Variants in SEMA6D observed in about 807,000 individuals in gnomAD.
SEMA6D encodes the protein semaphorin-6D.
In SEMA6D, 35 loss-of-function variants were observed where a neutral mutation model predicts 106.6. That is an observed-to-expected ratio of 0.33 (90% CI 0.25 to 0.44). The LOEUF (loss-of-function observed/expected upper bound fraction) is 0.44, where lower values mean the gene tolerates loss of function less well. Among genes scored for constraint, SEMA6D ranks in the 20% least tolerant of loss-of-function variants. The probability of loss-of-function intolerance (pLI) is 1.00; values close to 1 mark genes in which losing one functional copy is unlikely to be tolerated. For missense variants in SEMA6D, 1,185 were observed against 1,345.9 expected (o/e 0.88, Z 1.87); for synonymous variants, 499 against 487.7 (o/e 1.02, Z -0.31).
chr15:47,428,643 G>A (rs994137089), intron 2 of SEMA6D, among the ~76,000 whole-genome samples: 4 of 152,012 alleles, frequency 2.6e-5, no homozygotes, highest in African/African-American at 9.7e-5. Flanking sequence ...CCATGATGGT[G>A]CCGGCCTGGA....
intron 4 of SEMA6D, among the ~76,000 whole-genome samples, chr15:47,629,472 T>G (rs1342981482): frequency 6.6e-6 from 1 of 151,978 alleles, no homozygotes; most frequent in Non-Finnish European, 1.5e-5. Context: ...TTTACATATT[T>G]ATCAGTACAT....
At chr15:47,277,691 C>G (rs1028529720) in intron 1 of SEMA6D, among the ~76,000 whole-genome samples, 10 of 150,812 alleles carry the variant, frequency 6.6e-5, no homozygotes, top group African/African-American at 2.4e-4. Flanking sequence ...ATACATGTGC[C>G]ATGCTGGTGC....
At chr15:47,647,758 A>C (rs1299099772) in intron 4 of SEMA6D, among the ~76,000 whole-genome samples, 1 of 151,866 alleles carries the variant, frequency 6.6e-6, no homozygotes, top group Non-Finnish European at 1.5e-5. Context: ...GCCTTATTGG[A>C]AGCAAATTAT....
At chr15:47,334,210 C>T (rs938995187) in intron 1 of SEMA6D, among the ~76,000 whole-genome samples, 11 of 152,106 alleles carry the variant, frequency 7.2e-5, no homozygotes, top group Admixed American at 3.3e-4. Context: ...GGAAACTCCA[C>T]GCCCCTTCCC....
chr15:47,761,520 A>G (rs747366574), intron 6 of SEMA6D, 89 bp downstream of exon 6: 11 of 1,308,358 alleles, frequency 8.4e-6, no homozygotes, highest in Non-Finnish European at 1.1e-5. Flanking sequence ...TCTGCTTTCC[A>G]GTAATTTGTT....
In SEMA6D at chr15:47,454,007, A is replaced by C. The variant is rs571056184; in HGVS notation, c.-158-16467A>C. The stretch of plus-strand genomic sequence containing the variant: ...TGCTTCATGAGACTAAAAAATGATC[A>C]AGCAAAAGCATACTGCTATCCAGCT... On this transcript the variant is annotated intron_variant, in intron 2 of 19. Coordinates refer to the SEMA6D transcript ENST00000558014. Among the ~76,000 whole-genome samples, 5 of 152,052 alleles carry C rather than the reference A, an allele frequency of 3.3e-5. No individual in the cohort carries two copies. The South Asian group carries it at 1.0e-3, about 32-fold the overall frequency.
intron 3 of SEMA6D, among the ~76,000 whole-genome samples, chr15:47,538,130 G>A (rs1471633617): frequency 6.6e-6 from 1 of 152,130 alleles, no homozygotes; most frequent in Non-Finnish European, 1.5e-5. Context: ...GAGAAGAAAA[G>A]GACAGTGCGA....
chr15:47,338,523 A>T (rs938880550), intron 1 of SEMA6D, among the ~76,000 whole-genome samples: 7 of 152,186 alleles, frequency 4.6e-5, no homozygotes, highest in African/African-American at 1.7e-4. Context: ...CAAAAATTTT[A>T]AAAATTAAAT....
At chr15:47,413,873 C>A (rs1366557252) in intron 2 of SEMA6D, among the ~76,000 whole-genome samples, 1 of 152,160 alleles carries the variant, frequency 6.6e-6, no homozygotes, top group Non-Finnish European at 1.5e-5. Context: ...TGACTTTGAA[C>A]AGCCTGATTT....
chr15:47,329,292 T>C (rs946887137), intron 1 of SEMA6D, among the ~76,000 whole-genome samples: 1 of 152,160 alleles, frequency 6.6e-6, no homozygotes, highest in Non-Finnish European at 1.5e-5. Context: ...TTTAAACAAA[T>C]GGAGAAACCA....
At position 47,514,071 on chromosome 15, in the gene SEMA6D, G is replaced by A. The variant is rs369341262; in HGVS notation, c.-87+43526G>A. Among the ~76,000 whole-genome samples, 19 of 152,176 alleles carry A rather than the reference G, an allele frequency of 1.2e-4. No individual in the cohort carries two copies. In the East Asian group the frequency reaches 1.9e-3, roughly 15 times the overall value. On this transcript the variant is annotated intron_variant, in intron 3 of 19. Transcript: ENST00000558014. ...ATTGGTTCACAAGTCATTGCTAAAC[G>A]GACAGTGTGGTCTCATTACTTGCAT...
At chr15:47,319,729 G>T (rs2036851065) in intron 1 of SEMA6D, among the ~76,000 whole-genome samples, 1 of 151,968 alleles carries the variant, frequency 6.6e-6, no homozygotes, top group Non-Finnish European at 1.5e-5. Context: ...ATTTCAAAAT[G>T]GTTCCCTTTC....
chr15:47,349,671 G>T (rs1386957376), intron 1 of SEMA6D, among the ~76,000 whole-genome samples: 1 of 152,152 alleles, frequency 6.6e-6, no homozygotes, highest in Non-Finnish European at 1.5e-5. Context: ...ATGCGGAAAA[G>T]AAAGTGGAAT....
chr15:47,571,142 CTT>C (rs1178332660), intron 3 of SEMA6D, among the ~76,000 whole-genome samples: 10 of 151,270 alleles, frequency 6.6e-5, no homozygotes, highest in Admixed American at 2.0e-4. Context: ...TTCACTGTGA[CTT>C]TTTTTTTAAT....
intron 1 of SEMA6D, among the ~76,000 whole-genome samples, chr15:47,275,895 G>C (rs1454381066): frequency 6.6e-6 from 1 of 152,070 alleles, no homozygotes; most frequent in African/African-American, 2.4e-5. Flanking sequence ...CGAAAGCAAA[G>C]GAAAAATTCT....
At chr15:47,471,431 C>T (rs2042834083) in intron 3 of SEMA6D, among the ~76,000 whole-genome samples, 1 of 152,176 alleles carries the variant, frequency 6.6e-6, no homozygotes, top group South Asian at 2.1e-4. Context: ...TTAATTGTTA[C>T]TTTTTGAAAT....
intron 2 of SEMA6D, among the ~76,000 whole-genome samples, chr15:47,428,472 G>A (rs2140503548): frequency 1.9e-5 from 2 of 105,514 alleles, no homozygotes; most frequent in Middle Eastern, 0.012. Flanking sequence ...ACCCTTAAAA[G>A]TGGGTAAAAT....
intron 1 of SEMA6D, among the ~76,000 whole-genome samples, chr15:47,331,036 A>G (rs1207378892): frequency 1.3e-5 from 2 of 152,238 alleles, no homozygotes; most frequent in African/African-American, 4.8e-5. Context: ...CATCAAGGTC[A>G]CAGTAGTACA....
intron 1 of SEMA6D, among the ~76,000 whole-genome samples, chr15:47,252,028 G>T (rs1207623310): frequency 1.4e-5 from 2 of 140,672 alleles, no homozygotes; most frequent in Non-Finnish European, 3.0e-5. Context: ...CCATTCCCCT[G>T]CCTCAGCCTC....
Sources: allele counts gnomAD v4.1 joint callset (sites outside exome capture counted in the v4.1 genomes callset), GRCh38; gene constraint gnomAD v4.1.1; transcripts MANE v1.5; gene names NCBI Gene and HGNC (gene_info 2026-07-23, HGNC 2026-07-21).